The following BFSP1 variants were observed in gnomAD, a reference collection of about 807,000 sequenced individuals.
The protein encoded by BFSP1 is beaded filament structural protein 1.
A neutral mutation model predicts 43.9 loss-of-function variants in BFSP1; 38 were observed. The observed-to-expected ratio is 0.87, with a 90% CI of 0.67 to 1.14. The LOEUF is 1.14. Ranked by LOEUF, BFSP1 falls within the 50% of genes most tolerant of loss-of-function variation. The probability of loss-of-function intolerance (pLI) is 0.00; values close to 1 mark genes in which losing one functional copy is unlikely to be tolerated. For missense variants in BFSP1, 850 were observed against 875.1 expected (o/e 0.97, Z 0.36); for synonymous variants, 352 against 354.8 (o/e 0.99, Z 0.09).
At position 17,514,674 on chromosome 20, in the gene BFSP1, C is replaced by T. The variant is rs376680304; in HGVS notation, c.534+47G>A. 1.1e-4 allele frequency: 168 copies of T among 1,587,450 alleles called. 1 individual carries two copies. The highest frequency in any genetic ancestry group is 1.0e-3 in the Middle Eastern group (6 of 5,974). On this transcript the variant is annotated intron_variant, in intron 3 of 7. Coordinates refer to ENST00000377873, the MANE Select transcript of BFSP1 (RefSeq NM_001195.5). ...AGTACCCTCGGCTTACCTGATCAAA[C>T]CCAAACTGGGTTTTCTAGAGGAAGG...
intron 1 of BFSP1, among the ~76,000 whole-genome samples, chr20:17,553,822 CACAT>C (rs1416242202): frequency 1.3e-3 from 85 of 63,384 alleles, no homozygotes; most frequent in African/African-American, 6.1e-3. Flanking sequence ...CACACACACA[CACAT>C]ATATATATAT....
At chr20:17,527,321 G>T (rs551467665) in intron 1 of BFSP1, among the ~76,000 whole-genome samples, 244 of 152,274 alleles carry the variant, frequency 1.6e-3, no homozygotes, top group Non-Finnish European at 3.2e-3. Context: ...GCTCTTTCCT[G>T]CTGGAAATAT....
At chr20:17,553,794 TACACACACACACACACACACACACAC>T (rs144515006) in intron 1 of BFSP1, among the ~76,000 whole-genome samples, 11 of 104,980 alleles carry the variant, frequency 1.0e-4, no homozygotes, top group East Asian at 2.6e-4. Flanking sequence ...TATATATATA[TACACACACACACACACACACACACAC>T]ACACATATAT....
At chr20:17,547,519 T>C (rs1290192507) in intron 1 of BFSP1, among the ~76,000 whole-genome samples, 1 of 152,192 alleles carries the variant, frequency 6.6e-6, no homozygotes, top group African/African-American at 2.4e-5. Flanking sequence ...TAACCATCTG[T>C]ACCCCTGTTG....
At chr20:17,537,070 T>A (rs1445467191) in intron 1 of BFSP1, among the ~76,000 whole-genome samples, 3 of 152,214 alleles carry the variant, frequency 2.0e-5, no homozygotes, top group Non-Finnish European at 2.9e-5. Flanking sequence ...ACTCTGACTC[T>A]GCACCTTTTA....
intron 5 of BFSP1, among the ~76,000 whole-genome samples, chr20:17,502,931 T>C (rs549748219): frequency 6.6e-6 from 1 of 152,260 alleles, no homozygotes; most frequent in South Asian, 2.1e-4. Context: ...GTGTTGGAAT[T>C]ACATGGTGAG....
At chr20:17,547,744 T>C (rs1298871889) in intron 1 of BFSP1, among the ~76,000 whole-genome samples, 1 of 150,892 alleles carries the variant, frequency 6.6e-6, no homozygotes, top group African/African-American at 2.4e-5. Context: ...CTTTTTTTTT[T>C]TTTTTGAAAC....
intron 1 of BFSP1, among the ~76,000 whole-genome samples, chr20:17,564,780 G>C (rs891620970): frequency 6.6e-6 from 1 of 151,962 alleles, no homozygotes; most frequent in Non-Finnish European, 1.5e-5. Flanking sequence ...GTAGAGACGG[G>C]GTTTCACCAT....
chr20:17,506,082 A>T (rs2033930142), intron 5 of BFSP1, among the ~76,000 whole-genome samples: 1 of 152,232 alleles, frequency 6.6e-6, no homozygotes, highest in African/African-American at 2.4e-5. Context: ...GATGAGACGC[A>T]GGAAGAGGGT....
Position 17,508,978 on chromosome 20 carries a change from G to C in BFSP1, c.646C>G (p.Arg216Gly). The change falls in exon 5 of 8, where the codon CGG (arginine) becomes GGG (glycine). Residue 216 changes from arginine (R) to glycine (G), a missense_variant. Arg to Gly is a moderately radical substitution (Grantham distance 125). Transcript: ENST00000377873. ...GMREEKLLTE[R>G]EVAALRSQLE... ...TGACTCCGCAGGGCGGCCACCTCCC[G>C]CTCCGTCAGGAGCTTCTCCTGCACA... 6.3e-7 allele frequency: 1 copy of C among 1,589,818 alleles called. No individual in the cohort carries two copies. The highest frequency in any genetic ancestry group is 1.2e-5 in the South Asian group (1 of 86,342).
At chr20:17,559,506 G>A (rs2035047131), upstream of BFSP1, among the ~76,000 whole-genome samples, 1 of 152,164 alleles carries the variant, frequency 6.6e-6, no homozygotes. Context: ...ACCTTGCAGA[G>A]GTCCTATGGC....
intron 1 of BFSP1, among the ~76,000 whole-genome samples, chr20:17,567,581 C>A (rs561177858): frequency 1.3e-5 from 2 of 152,180 alleles, no homozygotes; most frequent in East Asian, 3.9e-4. Flanking sequence ...GAGAGGTGGC[C>A]GGGCGCTCGG....
chr20:17,563,280 G>C (rs1436501284), upstream of BFSP1, among the ~76,000 whole-genome samples: 2 of 152,200 alleles, frequency 1.3e-5, no homozygotes, highest in East Asian at 3.8e-4. Context: ...TCTGGTCAAT[G>C]AGATAAAAGG....
At chr20:17,515,435 T>G (rs2034177886) in intron 2 of BFSP1, among the ~76,000 whole-genome samples, 1 of 152,238 alleles carries the variant, frequency 6.6e-6, no homozygotes, top group South Asian at 2.1e-4. Flanking sequence ...ACATTTACCT[T>G]GAGAAGATGC....
At chr20:17,521,319 G>A (rs1367578778) in intron 2 of BFSP1, among the ~76,000 whole-genome samples, 8 of 152,186 alleles carry the variant, frequency 5.3e-5, no homozygotes, top group Non-Finnish European at 1.0e-4. Flanking sequence ...AGCTCTTTCC[G>A]TAGGCTTGAT....
intron 2 of BFSP1, among the ~76,000 whole-genome samples, chr20:17,521,999 A>G (rs1250160998): frequency 6.6e-6 from 1 of 152,162 alleles, no homozygotes; most frequent in Admixed American, 6.5e-5. Context: ...GATGTGGGCC[A>G]TGCATGTTCC....
chr20:17,533,961 A>G (rs1257711567), upstream of BFSP1, among the ~76,000 whole-genome samples: 2 of 152,206 alleles, frequency 1.3e-5, no homozygotes, highest in African/African-American at 4.8e-5. Flanking sequence ...GATAATCTGG[A>G]CAACTTCTAA....
chr20:17,506,654 A>G (rs2033945542), intron 5 of BFSP1, among the ~76,000 whole-genome samples: 1 of 151,234 alleles, frequency 6.6e-6, no homozygotes, highest in African/African-American at 2.4e-5. Context: ...CTTCCTAAGT[A>G]GCTGGAACCA....
intron 1 of BFSP1, among the ~76,000 whole-genome samples, chr20:17,547,329 G>A (rs1007367800): frequency 5.3e-5 from 8 of 152,088 alleles, no homozygotes; most frequent in South Asian, 4.2e-4. Flanking sequence ...CTCATCTTCC[G>A]AAGCTGCTTC....
Sources: allele counts gnomAD v4.1 joint callset (sites outside exome capture counted in the v4.1 genomes callset), GRCh38; gene constraint gnomAD v4.1.1; transcripts MANE v1.5; gene names NCBI Gene and HGNC (gene_info 2026-07-23, HGNC 2026-07-21).